SCN4A: variants seen among roughly 807,000 people sequenced by gnomAD.
The protein encoded by SCN4A is sodium voltage-gated channel alpha subunit 4, also known as sodium channel protein type 4 subunit alpha.
SCN4A carries 83 observed loss-of-function variants against 162.0 expected under a neutral mutation model. That is an observed-to-expected ratio of 0.51 (90% CI 0.43 to 0.61). The LOEUF (loss-of-function observed/expected upper bound fraction) is 0.61. Among genes scored for constraint, SCN4A ranks in the 20% least tolerant of loss-of-function variants. The pLI is 0.00. For missense variants in SCN4A, 2,196 were observed against 2,462.5 expected (o/e 0.89, Z 2.29); for synonymous variants, 944 against 985.1 (o/e 0.96, Z 0.78).
In SCN4A at chr17:63,940,561, GC is replaced by G. The variant is rs1203614243; in HGVS notation, c.*209del. The G allele has an allele frequency of 1.2e-4, 60 of 518,628 alleles. No homozygotes were observed. 32.1% of individuals were successfully genotyped at this position (518,628 alleles called of 1,614,324 possible). On this transcript the variant is annotated 3_prime_UTR_variant, in exon 24 of 24. Transcript: ENST00000435607. Reference sequence around the variant, plus strand: ...GCAGGGGCCTCAGACCCAGCATGGAGCCCCTGAGCGCAATTCCCATTTCCCA... The same window carrying G: ...GCAGGGGCCTCAGACCCAGCATGGAGCCCTGAGCGCAATTCCCATTTCCCA...
At chr17:63,958,372 T>C (rs1909138549) in intron 12 of SCN4A, among the ~76,000 whole-genome samples, 1 of 151,974 alleles carries the variant, frequency 6.6e-6, no homozygotes, top group Non-Finnish European at 1.5e-5. Flanking sequence ...AAATACAGAC[T>C]AAAGTATTTA....
rs1249706169 is a variant in SCN4A, at chr17:63,963,680, G to A, written c.1598C>T (p.Ala533Val). 5 of 1,580,214 alleles carry A rather than the reference G, an allele frequency of 3.2e-6. No individual in the cohort carries two copies. Among genetic ancestry groups the A allele is most frequent in the East Asian group, 2.3e-5 (1 of 43,636 alleles). ...SSSGDSGISDAMEELEEAHQK... is the reference protein window; with the variant it reads ...SSSGDSGISDVMEELEEAHQK... ...GGGCACAAGGCACTCACCTTCCATG[G>A]CGTCGGAGATGCCGCTGTCTCCGCT... is the stretch of plus-strand genomic sequence containing the variant. The change falls in exon 10 of 24, where the codon GCC becomes GTC. Residue 533 changes from alanine (A) to valine (V), a missense_variant. By Grantham distance (64) the Ala-to-Val change is moderately conservative. Transcript: ENST00000435607.
intron 5 of SCN4A, among the ~76,000 whole-genome samples, chr17:63,970,334 A>G (rs1354158022): frequency 6.6e-6 from 1 of 152,172 alleles, no homozygotes; most frequent in Non-Finnish European, 1.5e-5. Context: ...CAATCCAAGG[A>G]GTGGTACTAT....
intron 23 of SCN4A, 49 bp downstream of exon 23, chr17:63,942,777 G>T: frequency 6.4e-7 from 1 of 1,570,920 alleles, no homozygotes; most frequent in Middle Eastern, 1.7e-4. Context: ...GGGTCTTCCC[G>T]AGTGCCTCAG....
At chr17:63,954,360 C>G (rs1310998819) in intron 13 of SCN4A, among the ~76,000 whole-genome samples, 1 of 152,136 alleles carries the variant, frequency 6.6e-6, no homozygotes, top group African/African-American at 2.4e-5. Flanking sequence ...ACGCATTAGT[C>G]TTTCTTCTCC....
At position 63,957,138 on chromosome 17, in the gene SCN4A, G is replaced by A. The variant is rs1240289899; in HGVS notation, c.2376+24C>T. The A allele has an allele frequency of 4.0e-6, 6 of 1,505,870 alleles. No homozygotes were observed. The South Asian group carries it at 6.2e-5, about 16-fold the overall frequency. 93.3% of individuals were successfully genotyped at this position (1,505,870 alleles called of 1,614,324 possible). A position where few individuals can be genotyped will look rare whatever the true frequency, so the allele number is the denominator to read the frequency against. On this transcript the variant is annotated intron_variant, in intron 13 of 23. Transcript: ENST00000435607. Reference sequence around the variant, plus strand: ...TGTACGCTTCCCGGGTGAGGGCAGGGGCCACCCAGCCAGCCTCACTCACCA... The same window carrying A: ...TGTACGCTTCCCGGGTGAGGGCAGGAGCCACCCAGCCAGCCTCACTCACCA...
Position 63,941,404 on chromosome 17 carries a change from C to A in SCN4A, c.4878G>T (p.Lys1626Asn). ...TGAACTGGGTGGCGTCGGGGTCGAA[C>A]TTCTCCCATGTCTCGTAGAACATCT... is the stretch of plus-strand genomic sequence containing the variant. ...DFEMFYETWEKFDPDATQFIA... is the reference protein window; with the variant it reads ...DFEMFYETWENFDPDATQFIA... The change falls in exon 24 of 24, where the codon AAG (lysine) becomes AAT (asparagine). Residue 1626 changes from lysine (K) to asparagine (N), a missense_variant. Coordinates refer to ENST00000435607, the MANE Select transcript of SCN4A (RefSeq NM_000334.4). The surrounding 1 kb of genome is among the most constrained non-coding windows in gnomAD (Gnocchi z 6.2). 1 of 1,614,024 alleles carries A rather than the reference C, an allele frequency of 6.2e-7. No individual in the cohort carries two copies. Among genetic ancestry groups the A allele is most frequent in the Non-Finnish European group, 8.5e-7 (1 of 1,179,982 alleles).
At chr17:63,969,785 G>A (rs1909562112) in intron 5 of SCN4A, among the ~76,000 whole-genome samples, 1 of 152,104 alleles carries the variant, frequency 6.6e-6, no homozygotes, top group Non-Finnish European at 1.5e-5. Context: ...TGGGATTACA[G>A]GCACATGCCA....
chr17:63,968,222 C>G lies in SCN4A; in HGVS notation c.837G>C (p.Lys279Asn), dbSNP rs758801697. The change falls in exon 6 of 24, where the codon AAG (lysine) becomes AAC (asparagine). Residue 279 changes from lysine to asparagine, a missense_variant. By Grantham distance (94) the Lys-to-Asn change is moderately conservative. Transcript: ENST00000435607. ...LQLFMGNLRQKCVRWPPPFND... is the reference protein window; with the variant it reads ...LQLFMGNLRQNCVRWPPPFND... Reference sequence around the variant, plus strand: ...TGAACGGCGGGGGCCAGCGCACACACTTCTGCCTCAGGTTTCCCATGAAGA... The same window carrying G: ...TGAACGGCGGGGGCCAGCGCACACAGTTCTGCCTCAGGTTTCCCATGAAGA... 2 of 1,613,968 alleles carry G rather than the reference C, an allele frequency of 1.2e-6. No individual in the cohort carries two copies. Among genetic ancestry groups the G allele is most frequent in the African/African-American group, 1.3e-5 (1 of 74,928 alleles).
At chr17:63,942,578 T>C (rs972778731) in intron 23 of SCN4A, among the ~76,000 whole-genome samples, 1 of 152,258 alleles carries the variant, frequency 6.6e-6, no homozygotes, top group South Asian at 2.1e-4. Context: ...TCGCTCAGTA[T>C]GTGGGCACCT....
chr17:63,964,308 C>T (rs1179270322), intron 9 of SCN4A, among the ~76,000 whole-genome samples, 160 bp downstream of exon 9: 1 of 152,250 alleles, frequency 6.6e-6, no homozygotes, highest in African/African-American at 2.4e-5. Context: ...CCCCTGCCAC[C>T]AGCAAAGCTC....
chr17:63,971,264 G>T lies in SCN4A; in HGVS notation c.612-11C>A. 1 of 1,471,724 alleles carries T rather than the reference G, an allele frequency of 6.8e-7. No homozygotes were observed. The highest frequency in any genetic ancestry group is 9.3e-7 in the Non-Finnish European group (1 of 1,074,680). 91.2% of individuals were successfully genotyped at this position (1,471,724 alleles called of 1,614,324 possible). A position where few individuals can be genotyped will look rare whatever the true frequency, so the allele number is the denominator to read the frequency against. ...AACTCTGTCAGGTACCTGGGTAGGG[G>T]GTGGAGGGGGGTGGGGACTGTCAGA... is the stretch of plus-strand genomic sequence containing the variant. On this transcript the variant is annotated splice_polypyrimidine_tract_variant and intron_variant, in intron 4 of 23. Coordinates refer to ENST00000435607, the MANE Select transcript of SCN4A (RefSeq NM_000334.4).
intron 12 of SCN4A, among the ~76,000 whole-genome samples, chr17:63,958,598 G>A (rs1426727183): frequency 6.6e-6 from 1 of 152,156 alleles, no homozygotes; most frequent in East Asian, 1.9e-4. Flanking sequence ...TGTTACCCAG[G>A]CTGGAGTGCA....
At chr17:63,943,655 TG>T in intron 22 of SCN4A, 90 bp downstream of exon 22, 1 of 786,352 alleles carries the variant, frequency 1.3e-6, no homozygotes, top group South Asian at 1.7e-5. Flanking sequence ...CACAGCCTGG[TG>T]GGTGGAAGGC....
chr17:63,968,039 G>T lies in SCN4A; in HGVS notation c.1020C>A (p.Ala340=). Reference sequence around the variant, plus strand: ...CATTCTTACCTTCATCACTGATGTAGGCGTCCCAATCAAAGGTATCGTTGG... The same window carrying T: ...CATTCTTACCTTCATCACTGATGTATGCGTCCCAATCAAAGGTATCGTTGG... ...WATNDTFDWD[A]YISDEGNFYF... is the part of the protein sequence containing the mutation. The change falls in exon 6 of 24, where the codon GCC becomes GCA. Residue 340 remains alanine (A), a synonymous_variant. Coordinates refer to ENST00000435607, the MANE Select transcript of SCN4A (RefSeq NM_000334.4). 6.2e-7 allele frequency: 1 copy of T among 1,613,846 alleles called. No homozygotes were observed. Among genetic ancestry groups the T allele is most frequent in the South Asian group, 1.1e-5 (1 of 91,074 alleles).
rs1429378660 is a variant in SCN4A, at chr17:63,968,094, T to C, written c.965A>G (p.Asp322Gly). 1 of 1,613,944 alleles carries C rather than the reference T, an allele frequency of 6.2e-7. No individual in the cohort carries two copies. The highest frequency in any genetic ancestry group is 8.5e-7 in the Non-Finnish European group (1 of 1,179,874). Reference protein sequence around the residue: ...WYGNDSWYANDTWNSHASWAT... With the variant: ...WYGNDSWYANGTWNSHASWAT... ...CCAGCTTGCATGGCTGTTCCACGTG[T>C]CGTTGGCATACCATGAGTCATTGCC... Residue 322 changes from aspartate (D) to glycine (G), a missense_variant, in exon 6 of 24, where the codon GAC becomes GGC. Coordinates refer to ENST00000435607, the MANE Select transcript of SCN4A (RefSeq NM_000334.4).
intron 6 of SCN4A, among the ~76,000 whole-genome samples, chr17:63,966,777 C>T (rs1441374295): frequency 2.6e-5 from 4 of 152,144 alleles, no homozygotes; most frequent in Non-Finnish European, 5.9e-5. Context: ...CCAGTGTGGA[C>T]GAAAAGTCAT....
chr17:63,956,067 C>G (rs1170773190), intron 13 of SCN4A, among the ~76,000 whole-genome samples: 1 of 152,212 alleles, frequency 6.6e-6, no homozygotes, highest in Non-Finnish European at 1.5e-5. Context: ...AGGGTCACCT[C>G]CAGAGGCCCT....
Position 63,951,902 on chromosome 17 carries a change from T to C in SCN4A, c.2377-2A>G. 6.6e-7 allele frequency: 1 copy of C among 1,515,112 alleles called. No individual in the cohort carries two copies. Among genetic ancestry groups the C allele is most frequent in the Non-Finnish European group, 8.8e-7 (1 of 1,132,250 alleles). The allele number at this position is 1,515,112 out of a possible 1,614,324, so 93.9% of individuals were successfully genotyped here. The stretch of plus-strand genomic sequence containing the variant: ...CAGAGCCAGGAACAGGTTCAGGACC[T>C]GGGGCATGGGGTCAGGGGGAGCCTC... On this transcript the variant is annotated splice_acceptor_variant, in intron 13 of 23. Coordinates refer to ENST00000435607, the MANE Select transcript of SCN4A (RefSeq NM_000334.4). LOFTEE classifies it high-confidence loss of function. This position sits in a 1 kb window ranked among gnomAD's most constrained non-coding sequence, Gnocchi z 4.5.
Sources: allele counts gnomAD v4.1 joint callset (sites outside exome capture counted in the v4.1 genomes callset), GRCh38; gene constraint gnomAD v4.1.1; non-coding constraint Gnocchi (gnomAD v3.1); transcripts MANE v1.5; gene names NCBI Gene and HGNC (gene_info 2026-07-23, HGNC 2026-07-21).